The following INSL6 variants were observed in gnomAD, a reference collection of about 807,000 sequenced individuals.
INSL6 encodes insulin like 6, also known as insulin-like peptide INSL6.
Under a neutral mutation model 9.4 loss-of-function variants are expected in INSL6, and 16 were observed. That is an observed-to-expected ratio of 1.70 (90% CI 1.15 to 2.59). INSL6 has a LOEUF of 2.59. Among genes scored for constraint, INSL6 ranks in the 30% most tolerant of loss-of-function variants. The pLI is 0.00. For missense variants in INSL6, 391 were observed against 257.3 expected (o/e 1.52, Z -3.56); for synonymous variants, 154 against 96.9 (o/e 1.59, Z -3.46).
chr9:5,043,338 C>T, the INSL6 span, among the ~76,000 whole-genome samples: 1 of 151,776 alleles, frequency 6.6e-6, no homozygotes, highest in Non-Finnish European at 1.5e-5. Context: ...AAATGAAACC[C>T]TCCGAAAAAA....
chr9:5,041,849 C>A, the INSL6 span: 1 of 469,386 alleles, frequency 2.1e-6, no homozygotes, highest in South Asian at 1.6e-5. Flanking sequence ...GGGAGCTGAA[C>A]GCGGACGACC....
chr9:5,177,995 C>T (rs569575051), intron 1 of INSL6, among the ~76,000 whole-genome samples: 4 of 152,320 alleles, frequency 2.6e-5, no homozygotes, highest in Admixed American at 2.6e-4. Context: ...CCCGCCTCAG[C>T]CTCCCAAGTA....
chr9:4,994,776 C>T, the INSL6 span, among the ~76,000 whole-genome samples: 2 of 152,186 alleles, frequency 1.3e-5, no homozygotes, highest in African/African-American at 4.8e-5. Context: ...CTCCACATCT[C>T]TTCAAGCTAT....
chr9:5,163,937 TG>T lies in INSL6; in HGVS notation c.617del (p.Ser206TyrfsTer4). 1 of 1,603,914 alleles carries T rather than the reference TG, an allele frequency of 6.2e-7. No homozygotes were observed. The highest frequency in any genetic ancestry group is 8.5e-7 in the Non-Finnish European group (1 of 1,176,520). ...IDFKRLKEKR[S>X]SLVTKIY ...GTTAGTATATCTTAGTTACAAGTGA[TG>T]ATCTTTTTTCCTTTAGCCTTTTAAA... On this transcript the variant is annotated frameshift_variant, in exon 2 of 2. Coordinates refer to ENST00000381641, the MANE Select transcript of INSL6 (RefSeq NM_007179.3). LOFTEE classifies it high-confidence loss of function.
the INSL6 span, among the ~76,000 whole-genome samples, chr9:5,010,576 C>A: frequency 6.6e-6 from 1 of 152,174 alleles, no homozygotes; most frequent in South Asian, 2.1e-4. Context: ...CCGCCTCGGC[C>A]TCCCAAATGC....
intron 3 of INSL6, chr9:5,133,334 C>A (rs147114097): frequency 4.6e-5 from 7 of 151,932 alleles, no homozygotes; most frequent in Non-Finnish European, 8.8e-5. Flanking sequence ...TAAGCAGATA[C>A]GACAGTGTCA....
chr9:5,032,222 G>T, the INSL6 span, among the ~76,000 whole-genome samples: 1 of 152,244 alleles, frequency 6.6e-6, no homozygotes, highest in Non-Finnish European at 1.5e-5. Flanking sequence ...CCATTGCCGA[G>T]GGTTGAGTAG....
chr9:5,012,118 G>A, the INSL6 span, among the ~76,000 whole-genome samples: 2 of 152,044 alleles, frequency 1.3e-5, no homozygotes, highest in East Asian at 1.9e-4. Flanking sequence ...CTCAATTTTT[G>A]GCTTTTCTAG....
At chr9:5,089,916 T>A in the INSL6 span, 1 of 1,234,210 alleles carries the variant, frequency 8.1e-7, no homozygotes, top group Non-Finnish European at 1.1e-6. Context: ...TTTGGCATCC[T>A]GTGTAATATA....
the INSL6 span, chr9:5,054,789 G>A: frequency 6.2e-7 from 1 of 1,613,122 alleles, no homozygotes; most frequent in Non-Finnish European, 8.5e-7. The surrounding 1 kb of genome is among the most constrained non-coding windows in gnomAD (Gnocchi z 4.9). Flanking sequence ...TGGTCCTTCA[G>A]GTGAGGAGAT....
chr9:5,069,099 G>C, the INSL6 span: 2 of 1,611,456 alleles, frequency 1.2e-6, no homozygotes, highest in South Asian at 1.1e-5. Context: ...GTGGGACAAA[G>C]AAGAACTTCA....
At chr9:5,003,627 A>G in the INSL6 span, among the ~76,000 whole-genome samples, 2 of 152,086 alleles carry the variant, frequency 1.3e-5, no homozygotes, top group East Asian at 3.8e-4. Context: ...AATTTCCTAC[A>G]TATACAGACA....
chr9:5,044,187 G>A, the INSL6 span, among the ~76,000 whole-genome samples: 1 of 152,136 alleles, frequency 6.6e-6, no homozygotes, highest in Non-Finnish European at 1.5e-5. Context: ...ACTGAAGGAG[G>A]TAGTATATTG....
intron 2 of INSL6, among the ~76,000 whole-genome samples, chr9:5,143,532 T>C (rs1386285644): frequency 1.3e-5 from 2 of 152,152 alleles, no homozygotes; most frequent in East Asian, 3.9e-4. Flanking sequence ...TCAGTGGTAA[T>C]AACCCCCCTG....
At chr9:5,080,412 C>CT in the INSL6 span, 3 of 1,570,618 alleles carry the variant, frequency 1.9e-6, no homozygotes, top group Non-Finnish European at 2.6e-6. Flanking sequence ...TAGAATTACT[C>CT]TATCTCTGAA....
the INSL6 span, chr9:5,040,846 C>T: frequency 9.2e-6 from 2 of 216,714 alleles, no homozygotes; most frequent in Non-Finnish European, 1.9e-5. Flanking sequence ...AGAGCCCCAG[C>T]GCGAGCAGGA....
In INSL6 at chr9:5,180,459, A is replaced by G. The variant is rs566309402; in HGVS notation, c.289+4855T>C. 6.6e-5 allele frequency among the ~76,000 whole-genome samples: 10 copies of G among 152,328 alleles called. 1 individual carries two copies. In the South Asian group the frequency reaches 2.1e-3, roughly 32 times the overall value. On this transcript the variant is annotated intron_variant, in intron 1 of 1. Coordinates refer to ENST00000381641, the MANE Select transcript of INSL6 (RefSeq NM_007179.3). Reference sequence around the variant, plus strand: ...ATAAACGGATGTGCAAGTAGGGAAGATATCACTAAATTCTTTTTCCTAGCA... The same window carrying G: ...ATAAACGGATGTGCAAGTAGGGAAGGTATCACTAAATTCTTTTTCCTAGCA...
the INSL6 span, among the ~76,000 whole-genome samples, chr9:5,115,088 C>T: frequency 2.0e-5 from 3 of 152,126 alleles, no homozygotes; most frequent in Non-Finnish European, 4.4e-5. Context: ...TTAAACTAAA[C>T]AGCTGCATAG....
At chr9:5,051,715 G>C in the INSL6 span, among the ~76,000 whole-genome samples, 2 of 152,232 alleles carry the variant, frequency 1.3e-5, no homozygotes, top group South Asian at 4.1e-4. Flanking sequence ...AAAAATTTGA[G>C]TACATCATGA....
Sources: gnomAD v4.1 joint callset for allele counts (sites outside exome capture counted in the v4.1 genomes callset) on GRCh38, gnomAD v4.1.1 for gene constraint, Gnocchi (gnomAD v3.1) non-coding constraint, MANE v1.5 for transcripts, NCBI Gene and HGNC (gene_info 2026-07-23, HGNC 2026-07-21) for gene names.